Variants in CDH18 observed in about 807,000 individuals in gnomAD.
The protein encoded by CDH18 is cadherin 18.
In CDH18, 31 loss-of-function variants were observed where a neutral mutation model predicts 67.9. The observed-to-expected ratio is 0.46, with a 90% CI of 0.34 to 0.62. The LOEUF (loss-of-function observed/expected upper bound fraction) is 0.62, where lower values mean the gene tolerates loss of function less well. Ranked by LOEUF, CDH18 falls within the 20% of genes least tolerant of loss-of-function variation. The pLI, the probability that CDH18 is intolerant of heterozygous loss-of-function variation, is 0.01. For synonymous variants in CDH18, 362 were observed against 347.2 expected, an observed-to-expected ratio of 1.04 and a Z score of -0.48; for missense variants, 890 against 975.5, an observed-to-expected ratio of 0.91 and a Z score of 1.17.
intron 1 of CDH18, among the ~76,000 whole-genome samples, chr5:20,411,472 A>C (rs1164031356): frequency 6.6e-6 from 1 of 152,088 alleles, no homozygotes; most frequent in Non-Finnish European, 1.5e-5. Flanking sequence ...AAATGTAAGA[A>C]CTCAAAATGT....
intron 3 of CDH18, among the ~76,000 whole-genome samples, chr5:19,811,169 AGAAAGAGAAGAAAGAGG>A (rs1778697204): frequency 6.8e-6 from 1 of 147,852 alleles, no homozygotes; most frequent in South Asian, 2.2e-4. Flanking sequence ...AAGGAGAGAA[AGAAAGAGAAGAAAGAGG>A]GAGAGAAAGA....
chr5:20,058,239 A>G (rs1254328388), intron 2 of CDH18, among the ~76,000 whole-genome samples: 1 of 152,178 alleles, frequency 6.6e-6, no homozygotes, highest in Non-Finnish European at 1.5e-5. Context: ...AAAGGAAGAA[A>G]CAAATATACA....
chr5:20,085,307 G>T (rs1744847379), intron 2 of CDH18, among the ~76,000 whole-genome samples: 1 of 152,052 alleles, frequency 6.6e-6, no homozygotes, highest in Admixed American at 6.6e-5. Context: ...TTCCCACCAA[G>T]TCCCTCATCT....
chr5:19,784,956 A>T (rs1273829826), intron 3 of CDH18, among the ~76,000 whole-genome samples: 1 of 152,222 alleles, frequency 6.6e-6, no homozygotes, highest in East Asian at 1.9e-4. Context: ...ACCAACTATC[A>T]ATGAGAAAAT....
At chr5:20,183,016 T>G (rs1021818180) in intron 2 of CDH18, among the ~76,000 whole-genome samples, 4 of 152,078 alleles carry the variant, frequency 2.6e-5, no homozygotes, top group African/African-American at 9.7e-5. Flanking sequence ...CTTTCTTATA[T>G]TAGTTCTCCC....
rs897011523 is a variant in CDH18 at position 20,426,161 on chromosome 5, C to A, written c.-580+149301G>T. Among the ~76,000 whole-genome samples, 20 of 151,184 alleles carry A rather than the reference C, an allele frequency of 1.3e-4. 1 individual carries two copies. Among genetic ancestry groups the A allele is most frequent in the African/African-American group, 4.7e-4 (19 of 40,504 alleles). On this transcript the variant is annotated intron_variant, in intron 1 of 14. Coordinates refer to the CDH18 transcript ENST00000507958. ...TGACCTTGGCCAAGTTACATGACAA[C>A]TTTGTGGCTCAGTTCTCTCATATTG...
At chr5:20,256,875 A>G (rs1744272050) in intron 1 of CDH18, among the ~76,000 whole-genome samples, 2 of 151,962 alleles carry the variant, frequency 1.3e-5, no homozygotes, top group African/African-American at 4.8e-5. Flanking sequence ...AAAGTAGGAA[A>G]TGGGCTGTGA....
chr5:20,402,633 TCTTAA>T (rs74270108), intron 1 of CDH18, among the ~76,000 whole-genome samples: 7,206 of 152,122 alleles, frequency 0.047, 457 homozygotes, highest in African/African-American at 0.15. Flanking sequence ...AACGTGGATA[TCTTAA>T]CTTAAAATAT....
chr5:19,965,193 A>C lies in CDH18; in HGVS notation c.-257+15867T>G, dbSNP rs570132223. 1.7e-3 allele frequency among the ~76,000 whole-genome samples: 257 copies of C among 152,314 alleles called. 1 individual carries two copies. The highest frequency in any genetic ancestry group is 2.8e-3 in the Non-Finnish European group (191 of 68,014). On this transcript the variant is annotated intron_variant, in intron 2 of 12. Transcript: ENST00000382275. Reference sequence around the variant, plus strand: ...TATCTCACTCTATGAAGAATAAAATAAAATTAAATTAAAAATGCAAGCATA... The same window carrying C: ...TATCTCACTCTATGAAGAATAAAATCAAATTAAATTAAAAATGCAAGCATA...
At chr5:19,634,705 G>A (rs1386304587) in intron 5 of CDH18, among the ~76,000 whole-genome samples, 1 of 150,180 alleles carries the variant, frequency 6.7e-6, no homozygotes, top group Non-Finnish European at 1.5e-5. Flanking sequence ...GGGAGCCTGA[G>A]GGTGGGTGGA....
At position 19,553,300 on chromosome 5, in the gene CDH18, T is replaced by G. The variant is rs567265613; in HGVS notation, c.1254-9295A>C. Among the ~76,000 whole-genome samples, 171 of 152,206 alleles carry G rather than the reference T, an allele frequency of 1.1e-3. 1 individual carries two copies. In the South Asian group the frequency reaches 0.014, roughly 12 times the overall value. On this transcript the variant is annotated intron_variant, in intron 8 of 12. Transcript: ENST00000382275. Reference sequence around the variant, plus strand: ...TTCTGTCCATTTCACCACAAGAAATTAATTTAAAACTTATGTAACAGAAAT... The same window carrying G: ...TTCTGTCCATTTCACCACAAGAAATGAATTTAAAACTTATGTAACAGAAAT...
intron 1 of CDH18, among the ~76,000 whole-genome samples, chr5:20,297,848 T>C (rs1453321117): frequency 6.6e-6 from 1 of 152,138 alleles, no homozygotes; most frequent in Non-Finnish European, 1.5e-5. Context: ...AATAAGAGAG[T>C]TCTCTTCTGC....
chr5:19,995,728 T>C (rs1433547781), intron 2 of CDH18, among the ~76,000 whole-genome samples: 1 of 152,058 alleles, frequency 6.6e-6, no homozygotes, highest in East Asian at 1.9e-4. Flanking sequence ...TGTACTACTA[T>C]TATAAATCAC....
At chr5:19,884,087 G>A (rs1787943618) in intron 2 of CDH18, among the ~76,000 whole-genome samples, 1 of 152,084 alleles carries the variant, frequency 6.6e-6, no homozygotes, top group Non-Finnish European at 1.5e-5. Flanking sequence ...CTTTTATGGA[G>A]ATTTCTGTGA....
chr5:20,195,175 T>G (rs1350318681), intron 2 of CDH18, among the ~76,000 whole-genome samples: 1 of 152,062 alleles, frequency 6.6e-6, no homozygotes, highest in Admixed American at 6.6e-5. Flanking sequence ...TAGACTTAAA[T>G]TTGTATTTCA....
At chr5:19,592,058 G>C (rs923770790) in intron 6 of CDH18, among the ~76,000 whole-genome samples, 2 of 151,972 alleles carry the variant, frequency 1.3e-5, no homozygotes, top group African/African-American at 2.4e-5. Context: ...CCCTATGATA[G>C]TATTCAACAG....
chr5:19,816,026 CATAA>C (rs1386854459), intron 3 of CDH18, among the ~76,000 whole-genome samples: 1 of 151,784 alleles, frequency 6.6e-6, no homozygotes, highest in Non-Finnish European at 1.5e-5. Flanking sequence ...ACAGATACAC[CATAA>C]ATACAGTGAA....
intron 1 of CDH18, among the ~76,000 whole-genome samples, chr5:20,310,557 C>T (rs1210054955): frequency 3.9e-5 from 6 of 152,140 alleles, no homozygotes; most frequent in African/African-American, 7.2e-5. Flanking sequence ...GTTTTTTACT[C>T]GCTCATTATG....
intron 2 of CDH18, among the ~76,000 whole-genome samples, chr5:20,246,899 A>G (rs769691065): frequency 6.6e-6 from 1 of 152,214 alleles, no homozygotes; most frequent in Non-Finnish European, 1.5e-5. Flanking sequence ...CTAGAATTTG[A>G]GAAATCTTGC....
Sources: allele counts gnomAD v4.1 joint callset (sites outside exome capture counted in the v4.1 genomes callset), GRCh38; gene constraint gnomAD v4.1.1; transcripts MANE v1.5; gene names NCBI Gene and HGNC (gene_info 2026-07-23, HGNC 2026-07-21).